CCDC126: variants seen among roughly 807,000 people sequenced by gnomAD.
The protein encoded by CCDC126 is coiled-coil domain-containing protein 126.
In CCDC126, 5 loss-of-function variants were observed where a neutral mutation model predicts 11.7. That is an observed-to-expected ratio of 0.43 (90% CI 0.22 to 0.90). The LOEUF is 0.90. Among genes scored for constraint, CCDC126 ranks in the 40% least tolerant of loss-of-function variants. The probability of loss-of-function intolerance (pLI) is 0.27; values close to 1 mark genes in which losing one functional copy is unlikely to be tolerated. For missense variants in CCDC126, 150 were observed against 163.1 expected, an observed-to-expected ratio of 0.92 and a Z score of 0.44; for synonymous variants, 60 against 61.9, an observed-to-expected ratio of 0.97 and a Z score of 0.14.
intron 3 of CCDC126, among the ~76,000 whole-genome samples, chr7:23,642,224 G>A (rs1384850035): frequency 6.6e-6 from 1 of 151,966 alleles, no homozygotes; most frequent in Admixed American, 6.6e-5. Flanking sequence ...GTGTTAGACA[G>A]GATGGTCTCA....
At chr7:23,633,739 C>A (rs1476488872) in intron 3 of CCDC126, among the ~76,000 whole-genome samples, 1 of 152,146 alleles carries the variant, frequency 6.6e-6, no homozygotes, top group Middle Eastern at 3.4e-3. Flanking sequence ...CCTGTAATCC[C>A]AGCACTTGGT....
chr7:23,638,474 G>T (rs1783284908), intron 3 of CCDC126, among the ~76,000 whole-genome samples: 1 of 104,614 alleles, frequency 9.6e-6, no homozygotes, highest in Non-Finnish European at 1.9e-5. Flanking sequence ...AATGGATTAA[G>T]GGCGGTGCAA....
intron 3 of CCDC126, among the ~76,000 whole-genome samples, chr7:23,616,690 T>C (rs1782800447): frequency 6.6e-6 from 1 of 152,224 alleles, no homozygotes; most frequent in Non-Finnish European, 1.5e-5. Flanking sequence ...CCTTTTTATG[T>C]GACTTAATTT....
At chr7:23,618,395 G>T (rs1434626350) in intron 3 of CCDC126, among the ~76,000 whole-genome samples, 3 of 152,022 alleles carry the variant, frequency 2.0e-5, no homozygotes, top group African/African-American at 7.2e-5. Context: ...AATATCTAGA[G>T]CCCCACTCTG....
chr7:23,630,747 AGT>A (rs1486600844), intron 3 of CCDC126, among the ~76,000 whole-genome samples: 16 of 138,988 alleles, frequency 1.2e-4, no homozygotes, highest in Non-Finnish European at 1.3e-4. Context: ...AAAAAAAAAA[AGT>A]CCATAGAATA....
chr7:23,639,825 C>A (rs1182630636), intron 3 of CCDC126, among the ~76,000 whole-genome samples: 1 of 152,160 alleles, frequency 6.6e-6, no homozygotes, highest in Non-Finnish European at 1.5e-5. Flanking sequence ...CTTTCTGATA[C>A]CTTTTTTCCC....
chr7:23,609,881 A>G lies in CCDC126; in HGVS notation c.-145-1290A>G, dbSNP rs1179591321. ...TGTCTTAAAAAATAAATAAATAAATACAATTTTAAAAAAGTTCTTAAGGAT... is the reference window on the plus strand; with the variant it reads ...TGTCTTAAAAAATAAATAAATAAATGCAATTTTAAAAAAGTTCTTAAGGAT... On this transcript the variant is annotated intron_variant, in intron 2 of 3. Transcript: ENST00000307471. Among the ~76,000 whole-genome samples, 5 of 152,268 alleles carry G rather than the reference A, an allele frequency of 3.3e-5. No homozygotes were observed. In the East Asian group the frequency reaches 9.6e-4, roughly 29 times the overall value.
chr7:23,644,314 T>C lies in CCDC126; in HGVS notation c.*1199T>C, dbSNP rs1053032007. 4 of 152,650 alleles carry C rather than the reference T, an allele frequency of 2.6e-5. No homozygotes were observed. Among genetic ancestry groups the C allele is most frequent in the African/African-American group, 4.8e-5 (2 of 41,572 alleles). 9.5% of individuals were successfully genotyped at this position (152,650 alleles called of 1,614,324 possible). A position where few individuals can be genotyped will look rare whatever the true frequency, so the allele number is the denominator to read the frequency against. On this transcript the variant is annotated 3_prime_UTR_variant, in exon 4 of 4. Coordinates refer to ENST00000307471, the MANE Select transcript of CCDC126 (RefSeq NM_138771.4). ...TAGTATAAAACAAATTATACTTTTA[T>C]TTAAATTTCCCTTGTAGCAAATCTA... is the stretch of plus-strand genomic sequence containing the variant.
At chr7:23,614,114 A>G (rs1782758863) in intron 3 of CCDC126, among the ~76,000 whole-genome samples, 1 of 152,162 alleles carries the variant, frequency 6.6e-6, no homozygotes, top group Non-Finnish European at 1.5e-5. Flanking sequence ...TGGACTCTTC[A>G]TGAAAGATTT....
At chr7:23,598,957 GT>G (rs931577302) in intron 2 of CCDC126, among the ~76,000 whole-genome samples, 6 of 151,518 alleles carry the variant, frequency 4.0e-5, no homozygotes, top group African/African-American at 4.9e-5. Flanking sequence ...GTTTTTAGAG[GT>G]TTTTTTTTAA....
intron 2 of CCDC126, among the ~76,000 whole-genome samples, chr7:23,599,050 T>A (rs537522371): frequency 4.6e-5 from 7 of 152,334 alleles, no homozygotes; most frequent in African/African-American, 1.7e-4. Context: ...TATAATTCTT[T>A]CAAACTACCT....
At chr7:23,631,176 G>GA (rs1359387024) in intron 3 of CCDC126, among the ~76,000 whole-genome samples, 1 of 151,798 alleles carries the variant, frequency 6.6e-6, no homozygotes, top group African/African-American at 2.4e-5. Flanking sequence ...CAATGAAATT[G>GA]AAAACAAAAA....
intron 3 of CCDC126, among the ~76,000 whole-genome samples, chr7:23,630,693 T>G: frequency 8.7e-6 from 1 of 114,520 alleles, no homozygotes; most frequent in Admixed American, 1.4e-4. Flanking sequence ...CACTCTAGCC[T>G]AGGTGACAGA....
chr7:23,635,359 G>T (rs1408473485), intron 3 of CCDC126, among the ~76,000 whole-genome samples: 2 of 152,202 alleles, frequency 1.3e-5, no homozygotes, highest in East Asian at 3.8e-4. Flanking sequence ...ATAGGGAAGG[G>T]GTTCTTACTG....
chr7:23,603,012 A>G (rs1782567849), intron 2 of CCDC126, among the ~76,000 whole-genome samples: 1 of 152,120 alleles, frequency 6.6e-6, no homozygotes, highest in African/African-American at 2.4e-5. Flanking sequence ...AAGTTCTTTC[A>G]TGCCTTAAAT....
chr7:23,616,018 A>G (rs193276271), intron 3 of CCDC126, among the ~76,000 whole-genome samples: 1 of 152,366 alleles, frequency 6.6e-6, no homozygotes, highest in East Asian at 1.9e-4. Context: ...CAAACATTCA[A>G]TTGTAAAAAC....
chr7:23,617,365 A>AAAAAAAAAAGAAAAGG (rs1782812738), intron 3 of CCDC126, among the ~76,000 whole-genome samples: 2 of 151,426 alleles, frequency 1.3e-5, no homozygotes, highest in African/African-American at 4.9e-5. Context: ...AAAAAAAAAA[A>AAAAAAAAAAGAAAAGG]AAAAAAAAAG....
rs76719233 is a variant in CCDC126, at chr7:23,615,846, A to G, written c.238+4293A>G. ...TTCAAGGTGTCCCAAAACAGTTCCA[A>G]TGGTAGCATCAGCAATTGCTGATCA... On this transcript the variant is annotated intron_variant, in intron 3 of 3. Transcript: ENST00000307471. Among the ~76,000 whole-genome samples the G allele has an allele frequency of 3.4e-3, 520 of 152,346 alleles. 4 individuals are homozygous for G. Among genetic ancestry groups the G allele is most frequent in the African/African-American group, 0.01 (425 of 41,580 alleles).
At chr7:23,608,923 T>G (rs227921) in intron 2 of CCDC126, among the ~76,000 whole-genome samples, 142,707 of 152,150 alleles carry the variant, frequency 0.94, 67,001 homozygotes, top group East Asian at 1. Context: ...GTGCTGATTG[T>G]TCAGGTTGGA....
Sources: allele counts gnomAD v4.1 joint callset (sites outside exome capture counted in the v4.1 genomes callset), GRCh38; gene constraint gnomAD v4.1.1; transcripts MANE v1.5; gene names NCBI Gene and HGNC (gene_info 2026-07-23, HGNC 2026-07-21).